The following TNR variants were observed in gnomAD, a reference collection of about 807,000 sequenced individuals.
The protein encoded by TNR is tenascin R.
In TNR, 45 loss-of-function variants were observed where a neutral mutation model predicts 150.4. The ratio of observed to expected loss-of-function variants is 0.30; its 90% CI spans 0.24 to 0.38. TNR has a LOEUF of 0.38. Among genes scored for constraint, TNR ranks in the 10% least tolerant of loss-of-function variants. The pLI, the probability that TNR is intolerant of heterozygous loss-of-function variation, is 1.00. For missense variants in TNR, 1,544 were observed against 1,759.1 expected (o/e 0.88, Z 2.19); for synonymous variants, 687 against 678.4 (o/e 1.01, Z -0.20).
In TNR at chr1:175,332,561, T is replaced by C. The variant is rs183906220; in HGVS notation, c.3632-2326A>G. Among the ~76,000 whole-genome samples, 4 of 152,286 alleles carry C rather than the reference T, an allele frequency of 2.6e-5. No homozygotes were observed. In the East Asian group the frequency reaches 7.7e-4, roughly 29 times the overall value. On this transcript the variant is annotated intron_variant, in intron 20 of 22. Coordinates refer to ENST00000367674, the MANE Select transcript of TNR (RefSeq NM_003285.3). ...CTAGCATCTTCAAGAGCCCTCCCTG[T>C]CTCCCTCTTACCTACATCATCAAGT...
At chr1:175,697,063 C>G (rs574187451) in intron 1 of TNR, among the ~76,000 whole-genome samples, 1 of 151,680 alleles carries the variant, frequency 6.6e-6, no homozygotes, top group Admixed American at 6.6e-5. Context: ...AAACCAGAAA[C>G]CTGTTTATCC....
intron 1 of TNR, among the ~76,000 whole-genome samples, chr1:175,582,373 GAAGGACTC>G (rs1458197812): frequency 2.6e-5 from 4 of 152,226 alleles, no homozygotes; most frequent in African/African-American, 9.6e-5. Flanking sequence ...AGAAAAGGCT[GAAGGACTC>G]AAGCATAGAA....
At chr1:175,455,325 T>C (rs890339114) in intron 2 of TNR, among the ~76,000 whole-genome samples, 6 of 152,222 alleles carry the variant, frequency 3.9e-5, no homozygotes, top group African/African-American at 1.4e-4. Context: ...GGTGGTTTGT[T>C]ACACTGATAA....
At chr1:175,490,797 G>C (rs2102138615) in intron 2 of TNR, among the ~76,000 whole-genome samples, 2 of 152,248 alleles carry the variant, frequency 1.3e-5, no homozygotes, top group South Asian at 4.2e-4. Flanking sequence ...CAACCATTGT[G>C]GAAGACAGTG....
intron 2 of TNR, among the ~76,000 whole-genome samples, chr1:175,500,986 C>T (rs1261757481): frequency 6.6e-6 from 1 of 152,176 alleles, no homozygotes; most frequent in East Asian, 1.9e-4. Flanking sequence ...ACATTTCCAT[C>T]CCCTGGTATA....
chr1:175,670,738 G>A (rs759929396), intron 1 of TNR, among the ~76,000 whole-genome samples: 3 of 152,200 alleles, frequency 2.0e-5, no homozygotes, highest in Non-Finnish European at 2.9e-5. Flanking sequence ...TCAGGAAAGC[G>A]TGAATGGTTT....
rs111522523 is a variant in TNR, at chr1:175,559,362, C to T, written c.-164-30993G>A. ...CCCTCAAAATGCATTATTTGTATTT[C>T]AAACATAGAAAATGATAAACAGAGT... On this transcript the variant is annotated intron_variant, in intron 1 of 22. Transcript: ENST00000367674. 4.2e-3 allele frequency among the ~76,000 whole-genome samples: 632 copies of T among 152,168 alleles called. 7 individuals are homozygous for T. The highest frequency in any genetic ancestry group is 0.014 in the African/African-American group (583 of 41,516).
At chr1:175,717,875 A>T (rs141953587) in intron 1 of TNR, among the ~76,000 whole-genome samples, 171 of 152,272 alleles carry the variant, frequency 1.1e-3, no homozygotes, top group African/African-American at 3.8e-3. Flanking sequence ...CAGCTAATAA[A>T]TTGTTCTGCC....
intron 20 of TNR, among the ~76,000 whole-genome samples, chr1:175,331,050 TTTCTTTC>T (rs1649782359): frequency 1.0e-5 from 1 of 95,762 alleles, no homozygotes; most frequent in South Asian, 3.2e-4. Context: ...TCTTTCTTTC[TTTCTTTC>T]TTTCTTTCTT....
intron 2 of TNR, among the ~76,000 whole-genome samples, chr1:175,456,307 TCTTCCCATAGTCTTCA>T (rs1489944248): frequency 6.6e-6 from 1 of 152,250 alleles, no homozygotes; most frequent in Non-Finnish European, 1.5e-5. Context: ...TAAAGCGGAC[TCTTCCCATAGTCTTCA>T]CTTCTTCCTT....
intron 1 of TNR, among the ~76,000 whole-genome samples, chr1:175,572,884 C>T (rs571380226): frequency 1.3e-5 from 2 of 151,852 alleles, no homozygotes; most frequent in East Asian, 3.9e-4. Flanking sequence ...CATATCCTTT[C>T]ACCCTACCTA....
intron 18 of TNR, among the ~76,000 whole-genome samples, chr1:175,349,997 C>T (rs530503781): frequency 2.0e-5 from 3 of 152,154 alleles, no homozygotes; most frequent in Non-Finnish European, 2.9e-5. Context: ...GATAGATAGC[C>T]GTGGATAGTG....
chr1:175,616,601 G>A (rs1295753717), intron 1 of TNR, among the ~76,000 whole-genome samples: 1 of 152,164 alleles, frequency 6.6e-6, no homozygotes, highest in Non-Finnish European at 1.5e-5. Flanking sequence ...AGGGGATCAC[G>A]GGGCTCAGCA....
intron 2 of TNR, among the ~76,000 whole-genome samples, chr1:175,473,334 C>T (rs1205673652): frequency 1.3e-5 from 2 of 152,206 alleles, no homozygotes; most frequent in African/African-American, 4.8e-5. Flanking sequence ...CACACATGCT[C>T]ATCACCAGCA....
intron 21 of TNR, among the ~76,000 whole-genome samples, chr1:175,327,987 A>C (rs996636683): frequency 2.0e-5 from 3 of 152,182 alleles, no homozygotes; most frequent in African/African-American, 7.2e-5. Context: ...ATGTGTCTGT[A>C]ATCCCAGCTA....
intron 1 of TNR, among the ~76,000 whole-genome samples, chr1:175,671,914 T>A (rs897086897): frequency 3.8e-5 from 2 of 52,214 alleles, no homozygotes; most frequent in African/African-American, 9.0e-5. Flanking sequence ...GCTGTACCTG[T>A]GTGTGTGTGT....
Position 175,386,307 on chromosome 1 carries a change from T to C in TNR, c.1508-6A>G. The C allele has an allele frequency of 6.5e-7, 1 of 1,540,042 alleles. No individual in the cohort carries two copies. Among genetic ancestry groups the C allele is most frequent in the Non-Finnish European group, 8.8e-7 (1 of 1,139,586 alleles). On this transcript the variant is annotated splice_region_variant and splice_polypyrimidine_tract_variant and intron_variant, in intron 7 of 22. Transcript: ENST00000367674. The stretch of plus-strand genomic sequence containing the variant: ...CTGCGTGGGGCCGTCAATGACTGAG[T>C]GAGAAGGATCAAACAGAACAAAAAG...
At chr1:175,369,209 A>C (rs954941993) in intron 9 of TNR, among the ~76,000 whole-genome samples, 1 of 152,314 alleles carries the variant, frequency 6.6e-6, no homozygotes, top group African/African-American at 2.4e-5. Flanking sequence ...CTCCATCTAC[A>C]TTAGCTTCCT....
At chr1:175,480,599 C>T (rs953335957) in intron 2 of TNR, among the ~76,000 whole-genome samples, 7 of 152,212 alleles carry the variant, frequency 4.6e-5, no homozygotes, top group African/African-American at 9.6e-5. Flanking sequence ...TTATGCCCAG[C>T]GTCGTGCTAA....
Sources: gnomAD v4.1 joint callset for allele counts (sites outside exome capture counted in the v4.1 genomes callset) on GRCh38, gnomAD v4.1.1 for gene constraint, MANE v1.5 for transcripts, NCBI Gene and HGNC (gene_info 2026-07-23, HGNC 2026-07-21) for gene names.